NCKAP1: variants seen among roughly 807,000 people sequenced by gnomAD.
NCKAP1 encodes NCK associated protein 1.
A neutral mutation model predicts 151.2 loss-of-function variants in NCKAP1; 21 were observed. The ratio of observed to expected loss-of-function variants is 0.14; its 90% CI spans 0.10 to 0.20. The LOEUF is 0.20. Ranked by LOEUF, NCKAP1 falls within the 10% of genes least tolerant of loss-of-function variation. The probability of loss-of-function intolerance (pLI) is 1.00; values close to 1 mark genes in which losing one functional copy is unlikely to be tolerated. For missense variants in NCKAP1, 933 were observed against 1,352.1 expected (o/e 0.69, Z 4.86); for synonymous variants, 484 against 451.8 (o/e 1.07, Z -0.90).
At position 182,952,797 on chromosome 2, in the gene NCKAP1, T is replaced by C; in HGVS notation, c.2499A>G (p.Ile833Met). The part of the protein sequence containing the change: ...LTFNAEEYSD[I>M]SEMRSLSELL... ...CTGTGGTATAGTACTATTCACCTGA[T>C]ATGTCAGAATATTCCTCTGCATTGA... Residue 833 changes from isoleucine (I) to methionine (M), a missense_variant, in exon 22 of 31, where the codon ATA (isoleucine) becomes ATG (methionine). Ile to Met is a conservative substitution (Grantham distance 10, BLOSUM62 1). Around this residue, in one of 2 missense-constraint regions of NCKAP1, gnomAD observed 326 missense variants for 557.1 expected, o/e 0.59. Coordinates refer to ENST00000361354, the MANE Select transcript of NCKAP1 (RefSeq NM_013436.5). The C allele has an allele frequency of 6.2e-7, 1 of 1,603,108 alleles. No individual in the cohort carries two copies. The highest frequency in any genetic ancestry group is 8.5e-7 in the Non-Finnish European group (1 of 1,175,538).
intron 1 of NCKAP1, among the ~76,000 whole-genome samples, chr2:183,031,892 G>T (rs989111191): frequency 6.6e-6 from 1 of 152,166 alleles, no homozygotes. Context: ...CATGGAGCTG[G>T]TTTTGCTAGT....
chr2:183,016,963 T>C (rs1358775270), intron 2 of NCKAP1, among the ~76,000 whole-genome samples: 1 of 152,172 alleles, frequency 6.6e-6, no homozygotes, highest in African/African-American at 2.4e-5. Flanking sequence ...GTTTGATATT[T>C]TTTACAAGTC....
At chr2:182,940,775 T>A (rs1696979886) in intron 24 of NCKAP1, among the ~76,000 whole-genome samples, 1 of 152,212 alleles carries the variant, frequency 6.6e-6, no homozygotes, top group South Asian at 2.1e-4. Flanking sequence ...GTTACCACTA[T>A]GTAACACACA....
At chr2:182,999,740 T>C (rs1173108062) in intron 6 of NCKAP1, among the ~76,000 whole-genome samples, 1 of 152,122 alleles carries the variant, frequency 6.6e-6, no homozygotes, top group Non-Finnish European at 1.5e-5. Context: ...AGCAAAGACA[T>C]GGAATCAACC....
At chr2:183,035,265 A>G (rs1010565136) in intron 1 of NCKAP1, among the ~76,000 whole-genome samples, 2 of 151,534 alleles carry the variant, frequency 1.3e-5, no homozygotes, top group Admixed American at 1.3e-4. Flanking sequence ...AGATCTCAAA[A>G]TTTTTGACTG....
chr2:182,960,942 G>A (rs1697435625), intron 18 of NCKAP1, among the ~76,000 whole-genome samples: 1 of 152,044 alleles, frequency 6.6e-6, no homozygotes, highest in Non-Finnish European at 1.5e-5. Flanking sequence ...ACACTTCTCA[G>A]AAGAAGACAT....
In NCKAP1 at chr2:183,015,485, GA is replaced by G. The variant is rs879610042; in HGVS notation, c.219+8320del. Reference sequence around the variant, plus strand: ...AAGGTTAGAGGAAAGTAGGCTCCAGGAAAAAAAAAAAATTATAAAAAGGTGA... The same window carrying G: ...AAGGTTAGAGGAAAGTAGGCTCCAGGAAAAAAAAAAATTATAAAAAGGTGA... On this transcript the variant is annotated intron_variant, in intron 2 of 30. Transcript: ENST00000361354. Among the ~76,000 whole-genome samples, 1,055 of 135,314 alleles carry G rather than the reference GA, an allele frequency of 7.8e-3. 6 individuals carry two copies. Among genetic ancestry groups the G allele is most frequent in the African/African-American group, 0.02 (753 of 37,032 alleles). The allele number at this position is 135,314 out of a possible 152,430, so 88.8% of individuals were successfully genotyped here. A position where few individuals can be genotyped will look rare whatever the true frequency, so the allele number is the denominator to read the frequency against.
intron 26 of NCKAP1, among the ~76,000 whole-genome samples, chr2:182,932,501 T>C (rs1025557472): frequency 1.2e-4 from 18 of 152,022 alleles, no homozygotes; most frequent in Admixed American, 6.6e-4. Context: ...AAGGCTTCTT[T>C]TTGGGGATGA....
chr2:183,027,163 C>T (rs1483624132), intron 1 of NCKAP1, among the ~76,000 whole-genome samples: 2 of 152,154 alleles, frequency 1.3e-5, no homozygotes, highest in Middle Eastern at 3.2e-3. Context: ...ATCTTGGCAC[C>T]ATCACTTAGC....
At chr2:182,941,972 A>C in intron 24 of NCKAP1, 98 bp downstream of exon 24, 1 of 933,180 alleles carries the variant, frequency 1.1e-6, no homozygotes, top group Non-Finnish European at 1.6e-6. Context: ...ACTTTTCATA[A>C]TTTACTACTT....
rs1226953295 is a variant in NCKAP1 at position 182,918,793 on chromosome 2, A to G, written c.*6909T>C. The G allele has an allele frequency of 6.6e-6, 1 of 152,216 alleles. No individual in the cohort carries two copies. The highest frequency in any genetic ancestry group is 2.4e-5 in the African/African-American group (1 of 41,456). 9.4% of individuals were successfully genotyped at this position (152,216 alleles called of 1,614,324 possible). ...CTCAGACTTCACCAATGTATGATTC[A>G]TCCATGTAAACAAAAACCCACTGTA... On this transcript the variant is annotated 3_prime_UTR_variant, in exon 31 of 31. Coordinates refer to ENST00000361354, the MANE Select transcript of NCKAP1 (RefSeq NM_013436.5).
chr2:183,003,451 G>A (rs969014343), intron 2 of NCKAP1, 126 bp from the exon 3 acceptor site: 34 of 635,748 alleles, frequency 5.3e-5, no homozygotes, highest in Non-Finnish European at 8.8e-5. Flanking sequence ...AGATGATTAC[G>A]GCTTTTTAAA....
rs764227145 is a variant in NCKAP1, at chr2:183,003,345, A to C, written c.220-20T>G. 1 of 1,415,070 alleles carries C rather than the reference A, an allele frequency of 7.1e-7. No individual in the cohort carries two copies. The allele number at this position is 1,415,070 out of a possible 1,614,324, so 87.7% of individuals were successfully genotyped here. A position where few individuals can be genotyped will look rare whatever the true frequency, so the allele number is the denominator to read the frequency against. On this transcript the variant is annotated intron_variant, in intron 2 of 30. Transcript: ENST00000361354. ...CTGTTGCTGTAAAAACAAAATTAGA[A>C]TGCATTGCTCATAGAGAACAAAAGT...
intron 2 of NCKAP1, among the ~76,000 whole-genome samples, chr2:183,023,173 AT>A (rs1445320328): frequency 6.6e-6 from 1 of 152,182 alleles, no homozygotes; most frequent in Non-Finnish European, 1.5e-5. Context: ...GAGGCAAAAA[AT>A]AACTCTAATT....
chr2:182,995,922 T>C (rs1425626229), intron 6 of NCKAP1, 84 bp from the exon 7 acceptor site: 1 of 1,180,578 alleles, frequency 8.5e-7, no homozygotes, highest in Non-Finnish European at 1.2e-6. Flanking sequence ...TGTGTGTTTC[T>C]AACTATACCA....
At chr2:182,984,451 T>TGTGTG (rs1188952902) in intron 10 of NCKAP1, among the ~76,000 whole-genome samples, 7 of 144,294 alleles carry the variant, frequency 4.9e-5, no homozygotes, top group Non-Finnish European at 7.6e-5. Flanking sequence ...TGTGTGTGTG[T>TGTGTG]TGCCTATGCC....
chr2:182,920,279 T>A lies in NCKAP1; in HGVS notation c.*5423A>T, dbSNP rs1575006635. 1.3e-5 allele frequency: 2 copies of A among 152,210 alleles called. No individual in the cohort carries two copies. The highest frequency in any genetic ancestry group is 3.9e-4 in the East Asian group (2 of 5,174). 9.4% of individuals were successfully genotyped at this position (152,210 alleles called of 1,614,324 possible). ...GTGAACCACTGTGCCTGGCCACCAG[T>A]ACTTCTTACGTAATACTTGCTGTAG... On this transcript the variant is annotated 3_prime_UTR_variant, in exon 31 of 31. Transcript: ENST00000361354.
At chr2:182,983,403 A>G in intron 10 of NCKAP1, 21 bp from the exon 11 acceptor site, 1 of 1,494,078 alleles carries the variant, frequency 6.7e-7, no homozygotes, top group Non-Finnish European at 9.3e-7. Context: ...AGACACCATA[A>G]TAGTTTATCT....
rs7575613 is a variant in NCKAP1, at chr2:182,914,807, G to A, written c.*10895C>T. On this transcript the variant is annotated 3_prime_UTR_variant, in exon 31 of 31. Transcript: ENST00000361354. ...TGCAGAGTTCCATTGGTAGAGATGC[G>A]CTTTGTGTAATGTTGGGAGCAAGTA... 0.088 allele frequency: 13,366 copies of A among 152,244 alleles called. 710 individuals carry two copies. Among genetic ancestry groups the A allele is most frequent in the Non-Finnish European group, 0.12 (8,064 of 68,014 alleles). 9.4% of individuals were successfully genotyped at this position (152,244 alleles called of 1,614,324 possible).
Sources: allele counts gnomAD v4.1 joint callset (sites outside exome capture counted in the v4.1 genomes callset), GRCh38; gene constraint gnomAD v4.1.1; regional missense constraint gnomAD v4.1.1; transcripts MANE v1.5; gene names NCBI Gene and HGNC (gene_info 2026-07-23, HGNC 2026-07-21).